The following CYB5B variants were observed in gnomAD, a reference collection of about 807,000 sequenced individuals.
The protein encoded by CYB5B is cytochrome b5 type B (outer mitochondrial membrane).
In CYB5B, 14 loss-of-function variants were observed where a neutral mutation model predicts 21.3. The ratio of observed to expected loss-of-function variants is 0.66; its 90% CI spans 0.43 to 1.03. CYB5B has a LOEUF of 1.03. CYB5B is among the 50% of genes least tolerant of loss of function. The pLI is 0.00. For synonymous variants in CYB5B, 69 were observed against 68.4 expected, an observed-to-expected ratio of 1.01 and a Z score of -0.04; for missense variants, 166 against 185.1, an observed-to-expected ratio of 0.90 and a Z score of 0.60.
chr16:69,438,631 C>T (rs1205355892), intron 1 of CYB5B, among the ~76,000 whole-genome samples: 1 of 151,500 alleles, frequency 6.6e-6, no homozygotes, highest in East Asian at 1.9e-4. Flanking sequence ...TGTGGGGAGT[C>T]CCTTTCTGAC....
chr16:69,448,036 C>T, intron 2 of CYB5B, 79 bp from the exon 3 acceptor site: 1 of 1,470,120 alleles, frequency 6.8e-7, no homozygotes, highest in Non-Finnish European at 9.4e-7. Flanking sequence ...GTCTCATGTT[C>T]CAAAGTTAGA....
At chr16:69,445,941 A>G (rs2014873516) in intron 1 of CYB5B, among the ~76,000 whole-genome samples, 1 of 152,120 alleles carries the variant, frequency 6.6e-6, no homozygotes, top group Non-Finnish European at 1.5e-5. Context: ...GGGCAACAAG[A>G]GCGAAACTCC....
Position 69,459,196 on chromosome 16 carries a change from T to C in CYB5B, c.362+75T>C. The C allele has an allele frequency of 3.3e-6, 5 of 1,527,508 alleles. No homozygotes were observed. The South Asian group carries it at 3.8e-5, about 12-fold the overall frequency. 94.6% of individuals were successfully genotyped at this position (1,527,508 alleles called of 1,614,324 possible). On this transcript the variant is annotated intron_variant, in intron 4 of 4. Transcript: ENST00000307892. ...AGAGACTCTTCCATAAGTATATGTATGTAACATAACTTATGAGTGCAGTTT... is the reference window on the plus strand; with the variant it reads ...AGAGACTCTTCCATAAGTATATGTACGTAACATAACTTATGAGTGCAGTTT...
intron 1 of CYB5B, among the ~76,000 whole-genome samples, chr16:69,437,250 A>G (rs2014769755): frequency 1.3e-5 from 2 of 151,950 alleles, no homozygotes; most frequent in Admixed American, 1.3e-4. Context: ...ATATTGTGTA[A>G]CTGCGTACAT....
intron 1 of CYB5B, among the ~76,000 whole-genome samples, chr16:69,434,070 A>C (rs1454941126): frequency 6.6e-6 from 1 of 152,224 alleles, no homozygotes; most frequent in East Asian, 1.9e-4. Context: ...TATGTGGCAC[A>C]TAACTGTAGA....
intron 4 of CYB5B, 23 bp from the exon 5 acceptor site, chr16:69,462,407 T>C: frequency 6.4e-7 from 1 of 1,567,530 alleles, no homozygotes; most frequent in Non-Finnish European, 8.8e-7. Flanking sequence ...AACAACTTTA[T>C]TGCTTTCTCC....
chr16:69,462,379 C>T, intron 4 of CYB5B, 51 bp from the exon 5 acceptor site: 2 of 1,409,908 alleles, frequency 1.4e-6, no homozygotes, highest in Non-Finnish European at 2.0e-6. Flanking sequence ...AGATAGTGAA[C>T]ATTTGGCTTA....
At chr16:69,452,870 A>C (rs977165657) in intron 3 of CYB5B, among the ~76,000 whole-genome samples, 1 of 151,838 alleles carries the variant, frequency 6.6e-6, no homozygotes, top group Admixed American at 6.6e-5. Context: ...GTGGTGGTGC[A>C]CACCTGTCGT....
chr16:69,431,020 A>T (rs1433360089), intron 1 of CYB5B, among the ~76,000 whole-genome samples: 1 of 131,726 alleles, frequency 7.6e-6, no homozygotes, highest in Non-Finnish European at 1.6e-5. Context: ...TTATTTTGAG[A>T]TGGAGTCTTG....
intron 3 of CYB5B, 127 bp from the exon 4 acceptor site, chr16:69,458,966 A>G (rs546442629): frequency 1.5e-5 from 12 of 794,886 alleles, no homozygotes; most frequent in Admixed American, 6.6e-5. Flanking sequence ...ACCAAAATGC[A>G]TGAAAGATGA....
intron 1 of CYB5B, among the ~76,000 whole-genome samples, chr16:69,425,326 C>T (rs915939172): frequency 6.8e-6 from 1 of 147,518 alleles, no homozygotes; most frequent in African/African-American, 2.5e-5. Context: ...TCTCTCCACA[C>T]GCTTCCCCAT....
intron 1 of CYB5B, among the ~76,000 whole-genome samples, chr16:69,430,673 C>CTT (rs35661961): frequency 2.4e-5 from 3 of 127,596 alleles, no homozygotes; most frequent in Non-Finnish European, 1.7e-5. Flanking sequence ...TATTTTAAAA[C>CTT]TTTTTTTTTT....
At chr16:69,439,798 C>T (rs1210396892) in intron 1 of CYB5B, among the ~76,000 whole-genome samples, 1 of 151,316 alleles carries the variant, frequency 6.6e-6, no homozygotes, top group East Asian at 2.0e-4. Context: ...AATTCCCAAC[C>T]TCAAGTGATC....
At chr16:69,462,402 C>T in intron 4 of CYB5B, 28 bp from the exon 5 acceptor site, 3 of 1,549,660 alleles carry the variant, frequency 1.9e-6, no homozygotes, top group Non-Finnish European at 2.7e-6. Context: ...ATATTAACAA[C>T]TTTATTGCTT....
In CYB5B at chr16:69,462,889, G is replaced by T. The variant is rs182434439; in HGVS notation, c.*369G>T. 1.0e-3 allele frequency: 168 copies of T among 167,266 alleles called. 2 individuals carry two copies. Among genetic ancestry groups the T allele is most frequent in the African/African-American group, 3.4e-3 (142 of 42,142 alleles). The allele number at this position is 167,266 out of a possible 1,614,324, so 10.4% of individuals were successfully genotyped here. A position where few individuals can be genotyped will look rare whatever the true frequency, so the allele number is the denominator to read the frequency against. On this transcript the variant is annotated 3_prime_UTR_variant, in exon 5 of 5. Coordinates refer to ENST00000307892, the MANE Select transcript of CYB5B (RefSeq NM_030579.3). ...CATATTAGACATTCTTAACAGGGCGGCAGTCTAGTGTTGAAAGTTTTATTT... is the reference window on the plus strand; with the variant it reads ...CATATTAGACATTCTTAACAGGGCGTCAGTCTAGTGTTGAAAGTTTTATTT...
chr16:69,424,951 T>TG (rs2014627546), intron 1 of CYB5B, 94 bp downstream of exon 1: 2 of 1,303,902 alleles, frequency 1.5e-6, no homozygotes, highest in East Asian at 2.9e-5. Flanking sequence ...GAGGCTTGGC[T>TG]GGGGGCGATA....
At chr16:69,427,545 T>G (rs2014660919) in intron 1 of CYB5B, among the ~76,000 whole-genome samples, 1 of 152,124 alleles carries the variant, frequency 6.6e-6, no homozygotes. Flanking sequence ...TTTTGTTTTG[T>G]TTTTTGAGAC....
chr16:69,461,355 A>G (rs1222889249), intron 4 of CYB5B, among the ~76,000 whole-genome samples: 3 of 152,198 alleles, frequency 2.0e-5, no homozygotes, highest in Admixed American at 2.0e-4. Flanking sequence ...TCCCATGTGC[A>G]TATTGCTGTT....
chr16:69,456,461 G>A (rs1016550329), intron 3 of CYB5B, among the ~76,000 whole-genome samples: 1 of 152,200 alleles, frequency 6.6e-6, no homozygotes, highest in African/African-American at 2.4e-5. Flanking sequence ...AAAACTCACA[G>A]CAATTTTGTT....
Sources: gnomAD v4.1 joint callset for allele counts (sites outside exome capture counted in the v4.1 genomes callset) on GRCh38, gnomAD v4.1.1 for gene constraint, MANE v1.5 for transcripts, NCBI Gene and HGNC (gene_info 2026-07-23, HGNC 2026-07-21) for gene names.